POLR2F: variants seen among roughly 807,000 people sequenced by gnomAD.
The protein encoded by POLR2F is RNA polymerase II, I and III subunit F.
POLR2F carries 12 observed loss-of-function variants against 22.7 expected under a neutral mutation model. The observed-to-expected ratio is 0.53, with a 90% CI of 0.34 to 0.86. The LOEUF (loss-of-function observed/expected upper bound fraction) is 0.86, where lower values mean the gene tolerates loss of function less well. POLR2F is among the 40% of genes least tolerant of loss of function. POLR2F has a pLI of 0.02. For synonymous variants in POLR2F, 57 were observed against 66.0 expected, an observed-to-expected ratio of 0.86 and a Z score of 0.66; for missense variants, 126 against 171.5, an observed-to-expected ratio of 0.73 and a Z score of 1.48.
At chr22:37,971,757 C>G (rs1932058811), downstream of POLR2F, among the ~76,000 whole-genome samples, 2 of 152,118 alleles carry the variant, frequency 1.3e-5, no homozygotes, top group East Asian at 3.9e-4. Context: ...CGGTGTCACC[C>G]TCAGCCCACC....
intron 1 of POLR2F, among the ~76,000 whole-genome samples, chr22:38,009,190 G>A (rs903883435): frequency 6.6e-6 from 1 of 152,220 alleles, no homozygotes; most frequent in Admixed American, 6.5e-5. Context: ...GAGATTCGAG[G>A]GACCACCAGA....
chr22:37,997,709 G>C lies in POLR2F; in HGVS notation c.120+11397G>C, dbSNP rs752489574. Among the ~76,000 whole-genome samples the C allele has an allele frequency of 6.6e-6, 1 of 151,980 alleles. No homozygotes were observed. Among genetic ancestry groups the C allele is most frequent in the Non-Finnish European group, 1.5e-5 (1 of 68,002 alleles). On this transcript the variant is annotated intron_variant, in intron 1 of 2. Coordinates refer to the POLR2F transcript ENST00000333418. This position sits in a 1 kb window ranked among gnomAD's most constrained non-coding sequence, Gnocchi z 4.4. ...CCCTGGGTCACCCTGCCCCTCCCTC[G>C]TGCCTGTGCCCAGCTCCGCATCTCC...
chr22:37,956,535 G>A (rs1569161039), intron 1 of POLR2F, among the ~76,000 whole-genome samples: 1 of 151,570 alleles, frequency 6.6e-6, no homozygotes. Flanking sequence ...TTGTGACTCA[G>A]CCCCCCAAGT....
chr22:37,982,381 T>C (rs1189095066), upstream of POLR2F, among the ~76,000 whole-genome samples: 1 of 152,140 alleles, frequency 6.6e-6, no homozygotes, highest in Non-Finnish European at 1.5e-5. Flanking sequence ...TCAGAGCTGC[T>C]CTGGCACTCC....
upstream of POLR2F, chr22:37,983,401 G>A (rs1458667227): frequency 3.7e-6 from 6 of 1,610,494 alleles, no homozygotes; most frequent in African/African-American, 8.0e-5. This position sits in a 1 kb window ranked among gnomAD's most constrained non-coding sequence, Gnocchi z 9.5. Context: ...CGTTGTGCAG[G>A]TGCGGGTACT....
intron 1 of POLR2F, among the ~76,000 whole-genome samples, chr22:38,023,321 G>A (rs891477838): frequency 4.6e-5 from 7 of 152,166 alleles, no homozygotes; most frequent in African/African-American, 1.4e-4. Context: ...CTTGAAGGAC[G>A]TCAGTGATGT....
At position 38,004,884 on chromosome 22, in the gene POLR2F, C is replaced by T. The variant is rs6000971; in HGVS notation, c.120+18572C>T. On this transcript the variant is annotated intron_variant, in intron 1 of 2. Transcript: ENST00000333418. ...ACTTGAACCTGGGTGGTAGAGGTTGCGGTGAGCTGAAATTGGGCCATTGCA... is the reference window on the plus strand; with the variant it reads ...ACTTGAACCTGGGTGGTAGAGGTTGTGGTGAGCTGAAATTGGGCCATTGCA... Among the ~76,000 whole-genome samples, 1,488 of 152,190 alleles carry T rather than the reference C, an allele frequency of 9.8e-3. 33 individuals are homozygous for T. Among genetic ancestry groups the T allele is most frequent in the African/African-American group, 0.033 (1,385 of 41,520 alleles).
At chr22:37,962,087 T>C (rs1277099763) in intron 3 of POLR2F, among the ~76,000 whole-genome samples, 1 of 152,012 alleles carries the variant, frequency 6.6e-6, no homozygotes, top group East Asian at 1.9e-4. Context: ...AAAAATTAGC[T>C]GAGTGTGGTG....
chr22:37,961,244 A>G lies in POLR2F; in HGVS notation c.221+1768A>G, dbSNP rs115020597. Among the ~76,000 whole-genome samples the G allele has an allele frequency of 2.5e-3, 375 of 151,838 alleles. 2 individuals are homozygous for G. Among genetic ancestry groups the G allele is most frequent in the African/African-American group, 8.6e-3 (356 of 41,408 alleles). On this transcript the variant is annotated intron_variant, in intron 3 of 4. Transcript: ENST00000442738. Reference sequence around the variant, plus strand: ...GCCTGGCTTTGTATTTTTTGTGGAGATAGGGGTCTTGCTATGTTGCCCAGG... The same window carrying G: ...GCCTGGCTTTGTATTTTTTGTGGAGGTAGGGGTCTTGCTATGTTGCCCAGG...
rs115943548 is a variant in POLR2F at position 37,966,444 on chromosome 22, G to A, written c.222-655G>A. On this transcript the variant is annotated intron_variant, in intron 3 of 4. Coordinates refer to ENST00000442738, the MANE Select transcript of POLR2F (RefSeq NM_021974.5). ...AAGGGTGGGGAGGGCTGGGCAGGAA[G>A]GGCAGGGCCTCTACTGAGGTGTTGT... Among the ~76,000 whole-genome samples, 462 of 152,090 alleles carry A rather than the reference G, an allele frequency of 3.0e-3. 2 individuals carry two copies. Among genetic ancestry groups the A allele is most frequent in the African/African-American group, 0.011 (441 of 41,494 alleles).
intron 4 of POLR2F, chr22:37,977,922 G>T: frequency 6.2e-7 from 1 of 1,613,030 alleles, no homozygotes. Flanking sequence ...CTGGGTGCCG[G>T]TGGTCCAAGT....
At chr22:37,955,570 C>T (rs1017591342) in intron 1 of POLR2F, among the ~76,000 whole-genome samples, 11 of 151,442 alleles carry the variant, frequency 7.3e-5, no homozygotes, top group Non-Finnish European at 1.2e-4. Flanking sequence ...GGGAATGATC[C>T]AGTAGAGAGG....
exon 2 of POLR2F, chr22:38,026,085 C>G (rs749907989): frequency 1.9e-6 from 1 of 534,308 alleles, no homozygotes; most frequent in African/African-American, 1.9e-5. Context: ...TGGTGGAGGA[C>G]TCCCCTCAGG....
chr22:38,035,524 G>C (rs572244163), intron 5 of POLR2F, among the ~76,000 whole-genome samples: 1 of 152,090 alleles, frequency 6.6e-6, no homozygotes, highest in East Asian at 1.9e-4. Flanking sequence ...GCAATCCCTC[G>C]GTCTATCCTG....
At chr22:38,015,509 C>T (rs184042210) in intron 1 of POLR2F, among the ~76,000 whole-genome samples, 1 of 152,348 alleles carries the variant, frequency 6.6e-6, no homozygotes, top group East Asian at 1.9e-4. Flanking sequence ...TCCTTGAGCA[C>T]TCCTCTCTCC....
intron 1 of POLR2F, chr22:37,987,610 G>A (rs1569173221): frequency 9.0e-6 from 3 of 334,584 alleles, no homozygotes; most frequent in Non-Finnish European, 1.8e-5. Context: ...CAGGGGCCAT[G>A]CAGGAGTGAG....
chr22:37,967,441 C>G, intron 4 of POLR2F, 184 bp from the exon 5 acceptor site: 1 of 1,435,246 alleles, frequency 7.0e-7, no homozygotes, highest in Non-Finnish European at 9.1e-7. Flanking sequence ...TCATTCTTCC[C>G]CCTCTTGTCT....
At chr22:37,957,302 C>T (rs983321605) in intron 2 of POLR2F, among the ~76,000 whole-genome samples, 12 of 151,972 alleles carry the variant, frequency 7.9e-5, no homozygotes, top group African/African-American at 1.9e-4. Flanking sequence ...ATTCCTGCCT[C>T]GAGTAAGGAG....
chr22:38,013,255 A>G (rs1015712296), intron 1 of POLR2F, among the ~76,000 whole-genome samples: 1 of 151,966 alleles, frequency 6.6e-6, no homozygotes, highest in African/African-American at 2.4e-5. Flanking sequence ...AAGTGATTCT[A>G]CTGCCTCAGC....
Sources: gnomAD v4.1 joint callset for allele counts (sites outside exome capture counted in the v4.1 genomes callset) on GRCh38, gnomAD v4.1.1 for gene constraint, Gnocchi (gnomAD v3.1) non-coding constraint, MANE v1.5 for transcripts, NCBI Gene and HGNC (gene_info 2026-07-23, HGNC 2026-07-21) for gene names.